Variants in TJP1 observed in about 807,000 individuals in gnomAD.
TJP1 encodes the protein tight junction protein ZO-1.
Under a neutral mutation model 194.2 loss-of-function variants are expected in TJP1, and 43 were observed. That is an observed-to-expected ratio of 0.22 (90% CI 0.17 to 0.29). TJP1 has a LOEUF of 0.29. TJP1 is among the 10% of genes least tolerant of loss of function. The probability of loss-of-function intolerance (pLI) is 1.00; values close to 1 mark genes in which losing one functional copy is unlikely to be tolerated. For synonymous variants in TJP1, 801 were observed against 779.0 expected, an observed-to-expected ratio of 1.03 and a Z score of -0.47; for missense variants, 1,971 against 2,185.7, an observed-to-expected ratio of 0.90 and a Z score of 1.96.
intron 2 of TJP1, among the ~76,000 whole-genome samples, chr15:29,923,719 CA>C (rs2054438217): frequency 6.6e-6 from 1 of 152,128 alleles, no homozygotes; most frequent in Non-Finnish European, 1.5e-5. Context: ...GATGCATATT[CA>C]ACTCTATGCA....
At chr15:29,864,567 C>G (rs2052233406) in intron 2 of TJP1, among the ~76,000 whole-genome samples, 1 of 152,142 alleles carries the variant, frequency 6.6e-6, no homozygotes, top group African/African-American at 2.4e-5. Flanking sequence ...CTTCAGTTAC[C>G]TGCAAGCATC....
chr15:29,704,588 A>G (rs1033755917), intron 26 of TJP1, among the ~76,000 whole-genome samples: 1 of 152,256 alleles, frequency 6.6e-6, no homozygotes, highest in South Asian at 2.1e-4. Flanking sequence ...ACATGTAATC[A>G]ATATATGAAA....
chr15:29,845,416 A>G (rs1434538047), intron 2 of TJP1, among the ~76,000 whole-genome samples: 1 of 152,170 alleles, frequency 6.6e-6, no homozygotes, highest in Non-Finnish European at 1.5e-5. Flanking sequence ...CCAGGACTCC[A>G]GCAGGTTTGT....
chr15:29,946,191 A>C (rs1197715301), intron 2 of TJP1, among the ~76,000 whole-genome samples: 3 of 152,216 alleles, frequency 2.0e-5, no homozygotes, highest in African/African-American at 7.2e-5. Context: ...ATGAATGACA[A>C]TGCAAATTAA....
intron 2 of TJP1, among the ~76,000 whole-genome samples, chr15:29,936,364 A>G (rs1194163398): frequency 6.6e-6 from 1 of 152,136 alleles, no homozygotes; most frequent in Non-Finnish European, 1.5e-5. Context: ...TAGCTCCTCT[A>G]TGTTGCCAGC....
intron 1 of TJP1, among the ~76,000 whole-genome samples, chr15:29,801,579 A>T (rs2048788724): frequency 6.7e-6 from 1 of 149,094 alleles, no homozygotes; most frequent in South Asian, 2.1e-4. Context: ...CTCCTGCCTC[A>T]GCCTCCCAAG....
At chr15:29,743,806 C>T (rs1161388927) in intron 8 of TJP1, among the ~76,000 whole-genome samples, 1 of 152,068 alleles carries the variant, frequency 6.6e-6, no homozygotes, top group Non-Finnish European at 1.5e-5. Flanking sequence ...AGCTTTTCAG[C>T]AAAAAGGATG....
intron 7 of TJP1, 30 bp downstream of exon 7, chr15:29,761,571 G>A (rs1436388775): frequency 6.4e-7 from 1 of 1,570,316 alleles, no homozygotes; most frequent in Non-Finnish European, 8.6e-7. Flanking sequence ...AGGTCACTTA[G>A]AGGGAACGTT....
chr15:29,947,067 C>T (rs1039925531), intron 2 of TJP1, among the ~76,000 whole-genome samples: 2 of 152,194 alleles, frequency 1.3e-5, no homozygotes, highest in African/African-American at 4.8e-5. Flanking sequence ...CCTTCGTAAA[C>T]TGAACACAAT....
chr15:29,934,922 C>T (rs4779681), intron 2 of TJP1, among the ~76,000 whole-genome samples: 22,659 of 152,140 alleles, frequency 0.15, 2,059 homozygotes, highest in East Asian at 0.37. Context: ...CTGAAATAGT[C>T]AATATAGGTT....
upstream of TJP1, chr15:29,822,889 T>C (rs2050516385): frequency 6.6e-6 from 1 of 152,282 alleles, no homozygotes; most frequent in Non-Finnish European, 1.5e-5. Context: ...GTCACGGCTG[T>C]CACCGCGTGC....
In TJP1 at chr15:29,716,603, T is replaced by C. The variant is rs772192503; in HGVS notation, c.4202+8A>G. On this transcript the variant is annotated splice_region_variant and intron_variant, in intron 23 of 27. Transcript: ENST00000614355. ...TCCTATTTTTAAAAGCCAGGTGAAATAGCTTACTTTGAAGAATAACTAGAA... is the reference window on the plus strand; with the variant it reads ...TCCTATTTTTAAAAGCCAGGTGAAACAGCTTACTTTGAAGAATAACTAGAA... The C allele has an allele frequency of 3.1e-6, 5 of 1,601,414 alleles. No homozygotes were observed. The African/African-American group carries it at 5.4e-5, about 17-fold the overall frequency.
At chr15:29,839,622 CAG>C (rs1338834272) in intron 2 of TJP1, among the ~76,000 whole-genome samples, 1 of 152,084 alleles carries the variant, frequency 6.6e-6, no homozygotes, top group East Asian at 1.9e-4. Flanking sequence ...TCTTTGGTGA[CAG>C]AGAGAGAACT....
At chr15:29,836,243 A>G (rs1192717818) in intron 2 of TJP1, among the ~76,000 whole-genome samples, 2 of 151,640 alleles carry the variant, frequency 1.3e-5, no homozygotes, top group Non-Finnish European at 2.9e-5. Flanking sequence ...TCTTGCTGAC[A>G]CTATTGTTAC....
chr15:29,878,596 TA>T (rs892856463), intron 2 of TJP1, among the ~76,000 whole-genome samples: 25 of 147,858 alleles, frequency 1.7e-4, no homozygotes, highest in Admixed American at 3.4e-4. Flanking sequence ...TCTGCAAAAT[TA>T]AAAAAAAAAG....
At chr15:29,878,851 G>C (rs1248034684) in intron 2 of TJP1, among the ~76,000 whole-genome samples, 1 of 152,176 alleles carries the variant, frequency 6.6e-6, no homozygotes, top group Non-Finnish European at 1.5e-5. Context: ...CTGGCCGGGC[G>C]CGGTGGCTCA....
intron 16 of TJP1, 144 bp from the exon 17 acceptor site, chr15:29,727,135 G>A: frequency 3.0e-6 from 2 of 666,696 alleles, no homozygotes; most frequent in African/African-American, 1.8e-5. Flanking sequence ...CTTGAGGCCA[G>A]GAGTTCCAGA....
intron 2 of TJP1, among the ~76,000 whole-genome samples, chr15:29,878,043 TTTTGTTTG>T (rs143647950): frequency 2.0e-5 from 3 of 151,138 alleles, no homozygotes; most frequent in Non-Finnish European, 4.4e-5. Flanking sequence ...AAAGTATAGT[TTTTGTTTG>T]TTTGTTTGTT....
intron 2 of TJP1, among the ~76,000 whole-genome samples, chr15:29,956,037 T>C (rs1364945746): frequency 6.6e-6 from 1 of 152,200 alleles, no homozygotes; most frequent in African/African-American, 2.4e-5. Context: ...ATCATCATTA[T>C]GAACCATTTT....
Sources: allele counts gnomAD v4.1 joint callset (sites outside exome capture counted in the v4.1 genomes callset), GRCh38; gene constraint gnomAD v4.1.1; transcripts MANE v1.5; gene names NCBI Gene and HGNC (gene_info 2026-07-23, HGNC 2026-07-21).